Variants in POLR3H observed in about 807,000 individuals in gnomAD.
The protein encoded by POLR3H is RNA polymerase III subunit H.
Under a neutral mutation model 25.5 loss-of-function variants are expected in POLR3H, and 17 were observed. The observed-to-expected ratio is 0.67, with a 90% CI of 0.46 to 1.00. The LOEUF (loss-of-function observed/expected upper bound fraction) is 1.00. POLR3H is among the 50% of genes least tolerant of loss of function. POLR3H has a pLI of 0.00. For synonymous variants in POLR3H, 129 were observed against 103.0 expected, an observed-to-expected ratio of 1.25 and a Z score of -1.53; for missense variants, 274 against 265.0, an observed-to-expected ratio of 1.03 and a Z score of -0.24.
intron 2 of POLR3H, among the ~76,000 whole-genome samples, chr22:41,537,042 C>T (rs1293295181): frequency 1.3e-5 from 2 of 152,034 alleles, no homozygotes; most frequent in South Asian, 2.1e-4. Flanking sequence ...GCAGGGCCCC[C>T]GATCAGTATG....
At chr22:41,530,609 G>T in intron 5 of POLR3H, 78 bp downstream of exon 5, 1 of 1,347,866 alleles carries the variant, frequency 7.4e-7, no homozygotes, top group Non-Finnish European at 1.0e-6. Flanking sequence ...CAGAGCAGAA[G>T]CCCCAGGACA....
At chr22:41,530,262 G>A (rs1321537602) in intron 5 of POLR3H, among the ~76,000 whole-genome samples, 4 of 152,018 alleles carry the variant, frequency 2.6e-5, no homozygotes, top group Non-Finnish European at 5.9e-5. Flanking sequence ...CACAGGGCAC[G>A]CCACCATGCC....
At chr22:41,533,765 T>TGAGGGCGGCC (rs1363465958) in intron 2 of POLR3H, 19 of 1,269,070 alleles carry the variant, frequency 1.5e-5, no homozygotes, top group Non-Finnish European at 2.0e-5. Context: ...AGAGAGCAGA[T>TGAGGGCGGCC]GAGGGCGGCC....
intron 5 of POLR3H, 83 bp from the exon 6 acceptor site, chr22:41,529,419 G>T (rs1299438049): frequency 1.6e-6 from 2 of 1,254,306 alleles, no homozygotes; most frequent in African/African-American, 1.5e-5. Flanking sequence ...AGCCCAGCAG[G>T]CCCAGCACAG....
chr22:41,527,096 GCCT>G lies in POLR3H; in HGVS notation c.*2184_*2186del, dbSNP rs2066615729. 1 of 759,928 alleles carries G rather than the reference GCCT, an allele frequency of 1.3e-6. No homozygotes were observed. The highest frequency in any genetic ancestry group is 2.1e-6 in the Non-Finnish European group (1 of 481,072). The allele number at this position is 759,928 out of a possible 1,614,324, so 47.1% of individuals were successfully genotyped here. On this transcript the variant is annotated 3_prime_UTR_variant, in exon 6 of 6. Coordinates refer to ENST00000355209, the MANE Select transcript of POLR3H (RefSeq NM_001018050.4). ...AACCACGTGCCTCTGTCCCCTCGGG[GCCT>G]CGTTTGGGTCTCATTCACGCAGGCT...
At chr22:41,533,646 A>G in intron 2 of POLR3H, 1 of 1,304,006 alleles carries the variant, frequency 7.7e-7, no homozygotes, top group Non-Finnish European at 1.0e-6. Context: ...GGACCCTGGC[A>G]TCAGCAGGGC....
At position 41,528,992 on chromosome 22, in the gene POLR3H, G is replaced by A. The variant is rs2066665135; in HGVS notation, c.*291C>T. On this transcript the variant is annotated 3_prime_UTR_variant, in exon 6 of 6. Transcript: ENST00000355209. ...CAAAACCAGTGACTGTTCTGTGAGTGATTGGTGTCTGTGCCGTTTGTTGTC... is the reference window on the plus strand; with the variant it reads ...CAAAACCAGTGACTGTTCTGTGAGTAATTGGTGTCTGTGCCGTTTGTTGTC... The A allele has an allele frequency of 1.9e-6, 1 of 535,090 alleles. No homozygotes were observed. Among genetic ancestry groups the A allele is most frequent in the South Asian group, 2.6e-5 (1 of 38,346 alleles). The allele number at this position is 535,090 out of a possible 1,614,324, so 33.1% of individuals were successfully genotyped here. A position where few individuals can be genotyped will look rare whatever the true frequency, so the allele number is the denominator to read the frequency against.
chr22:41,538,166 C>A (rs1189848469), intron 2 of POLR3H, among the ~76,000 whole-genome samples: 1 of 148,458 alleles, frequency 6.7e-6, no homozygotes. Context: ...CGGAGTTTCA[C>A]TCTGTTGCCC....
rs1267654590 is a variant in POLR3H, at chr22:41,525,925, T to C, written c.*3358A>G. On this transcript the variant is annotated 3_prime_UTR_variant, in exon 6 of 6. Transcript: ENST00000355209. ...CATCAGCCAGGACCCAGGCATGTCC[T>C]GGGCTCCTGTGTCCAGCATGAGGTC... 1 of 258,798 alleles carries C rather than the reference T, an allele frequency of 3.9e-6. No individual in the cohort carries two copies. Among genetic ancestry groups the C allele is most frequent in the African/African-American group, 2.2e-5 (1 of 45,154 alleles). The allele number at this position is 258,798 out of a possible 1,614,324, so 16.0% of individuals were successfully genotyped here.
At position 41,527,506 on chromosome 22, in the gene POLR3H, G is replaced by T; in HGVS notation, c.*1777C>A. ...CCCTGCCCGTGGCTGAGTTGGGCCT[G>T]GTTCTAGGCTGTGTCCACTGCAGCC... is the stretch of plus-strand genomic sequence containing the variant. On this transcript the variant is annotated 3_prime_UTR_variant, in exon 6 of 6. Transcript: ENST00000355209. The T allele has an allele frequency of 8.6e-6, 13 of 1,520,252 alleles. No individual in the cohort carries two copies. Among genetic ancestry groups the T allele is most frequent in the Non-Finnish European group, 1.1e-5 (13 of 1,134,204 alleles). 94.2% of individuals were successfully genotyped at this position (1,520,252 alleles called of 1,614,324 possible).
At chr22:41,535,968 AT>A (rs1019497525) in intron 2 of POLR3H, among the ~76,000 whole-genome samples, 1 of 150,738 alleles carries the variant, frequency 6.6e-6, no homozygotes, top group African/African-American at 2.4e-5. Flanking sequence ...AAACTCTTGC[AT>A]TTTTTAGAGA....
intron 2 of POLR3H, among the ~76,000 whole-genome samples, chr22:41,538,957 G>C (rs28530678): frequency 0.18 from 26,681 of 152,144 alleles, 3,383 homozygotes; most frequent in Admixed American, 0.37. Flanking sequence ...CAACCACCTG[G>C]TACCTTGTTA....
rs1205004571 is a variant in POLR3H at position 41,527,207 on chromosome 22, G to GT, written c.*2075dup. ...CTCAGGATGCCCAGGCGCCAGGTGG[G>GT]TGAGGCCAGGCAGGTAGGGCCAGAC... is the stretch of plus-strand genomic sequence containing the variant. On this transcript the variant is annotated 3_prime_UTR_variant, in exon 6 of 6. Coordinates refer to ENST00000355209, the MANE Select transcript of POLR3H (RefSeq NM_001018050.4). 3.1e-6 allele frequency: 5 copies of GT among 1,602,252 alleles called. No homozygotes were observed. In the African/African-American group the frequency reaches 6.7e-5, roughly 21 times the overall value.
chr22:41,544,263 G>A lies in POLR3H; in HGVS notation c.-162C>T, dbSNP rs1047521998. 2.9e-5 allele frequency: 17 copies of A among 583,498 alleles called. No individual in the cohort carries two copies. The highest frequency in any genetic ancestry group is 4.6e-5 in the Non-Finnish European group (15 of 325,170). 36.1% of individuals were successfully genotyped at this position (583,498 alleles called of 1,614,324 possible). Reference sequence around the variant, plus strand: ...GTCTCGGGGGCCCGGTCCGGGCCATGCTCCGCTACTACAACATGAGGAAAC... The same window carrying A: ...GTCTCGGGGGCCCGGTCCGGGCCATACTCCGCTACTACAACATGAGGAAAC... On this transcript the variant is annotated 5_prime_UTR_variant, in exon 1 of 6. Coordinates refer to ENST00000355209, the MANE Select transcript of POLR3H (RefSeq NM_001018050.4).
intron 2 of POLR3H, among the ~76,000 whole-genome samples, chr22:41,536,303 G>C (rs931074951): frequency 1.2e-4 from 18 of 150,912 alleles, no homozygotes; most frequent in Non-Finnish European, 1.9e-4. Context: ...GCTGAGGCAG[G>C]AGAATGGCGT....
Position 41,527,246 on chromosome 22 carries a change from GC to G in POLR3H, c.*2036del, listed in dbSNP as rs745367458. 5.6e-6 allele frequency: 9 copies of G among 1,613,108 alleles called. No individual in the cohort carries two copies. The African/African-American group carries it at 1.2e-4, about 22-fold the overall frequency. On this transcript the variant is annotated 3_prime_UTR_variant, in exon 6 of 6. Coordinates refer to ENST00000355209, the MANE Select transcript of POLR3H (RefSeq NM_001018050.4). ...GTAGGGCCAGACAGGTGAGGACGGT[GC>G]CCTCCTCTGCCTTATAACCTTACCC...
Position 41,528,258 on chromosome 22 carries a change from C to A in POLR3H, c.*1025G>T. On this transcript the variant is annotated 3_prime_UTR_variant, in exon 6 of 6. Coordinates refer to ENST00000355209, the MANE Select transcript of POLR3H (RefSeq NM_001018050.4). ...CCTTTACTCACCAGGACCTGGCACT[C>A]AGGGGACAGCCCACCCACTGCAGGA... is the stretch of plus-strand genomic sequence containing the variant. 1.2e-6 allele frequency: 1 copy of A among 837,938 alleles called. No individual in the cohort carries two copies. The allele number at this position is 837,938 out of a possible 1,614,324, so 51.9% of individuals were successfully genotyped here.
intron 2 of POLR3H, among the ~76,000 whole-genome samples, chr22:41,538,004 C>T (rs554639859): frequency 2.1e-4 from 31 of 149,280 alleles, no homozygotes; most frequent in African/African-American, 7.4e-4. Context: ...CTCACCCTGT[C>T]GCCTAGGGTG....
In POLR3H at chr22:41,526,484, TG is replaced by T. The variant is rs548509220; in HGVS notation, c.*2798del. On this transcript the variant is annotated 3_prime_UTR_variant, in exon 6 of 6. Coordinates refer to ENST00000355209, the MANE Select transcript of POLR3H (RefSeq NM_001018050.4). ...TCAGAGTTGATAGGGGCAATGCCAG[TG>T]GTCACTCCTGAAGGGGCCTGCAAGG... 7.5e-3 allele frequency: 11,983 copies of T among 1,595,398 alleles called. 74 individuals are homozygous for T. The highest frequency in any genetic ancestry group is 7.7e-3 in the Non-Finnish European group (9,008 of 1,168,162).
Sources: allele counts gnomAD v4.1 joint callset (sites outside exome capture counted in the v4.1 genomes callset), GRCh38; gene constraint gnomAD v4.1.1; transcripts MANE v1.5; gene names NCBI Gene and HGNC (gene_info 2026-07-23, HGNC 2026-07-21).